The following LIN52 variants were observed in gnomAD, a reference collection of about 807,000 sequenced individuals.
LIN52 encodes the protein protein lin-52 homolog.
Under a neutral mutation model 18.5 loss-of-function variants are expected in LIN52, and 4 were observed. That is an observed-to-expected ratio of 0.22 (90% CI 0.11 to 0.49). The LOEUF is 0.49. Among genes scored for constraint, LIN52 ranks in the 20% least tolerant of loss-of-function variants. The pLI is 0.97. For synonymous variants in LIN52, 34 were observed against 45.5 expected, an observed-to-expected ratio of 0.75 and a Z score of 1.02; for missense variants, 102 against 139.5, an observed-to-expected ratio of 0.73 and a Z score of 1.35.
intron 5 of LIN52, among the ~76,000 whole-genome samples, chr14:74,169,748 A>G (rs1389252336): frequency 6.6e-6 from 1 of 152,204 alleles, no homozygotes; most frequent in Admixed American, 6.5e-5. Flanking sequence ...TGTTTTTTCA[A>G]AATTAGAGCT....
At chr14:74,133,307 T>C (rs965850436) in intron 5 of LIN52, among the ~76,000 whole-genome samples, 2 of 152,238 alleles carry the variant, frequency 1.3e-5, no homozygotes, top group African/African-American at 4.8e-5. Context: ...AAAATGTTCC[T>C]TTTTTCCCTT....
intron 5 of LIN52, among the ~76,000 whole-genome samples, chr14:74,152,296 G>C (rs2061179965): frequency 6.6e-6 from 1 of 151,232 alleles, no homozygotes; most frequent in African/African-American, 2.4e-5. Context: ...TGTTAATGGT[G>C]ATGGACTCTA....
In LIN52 at chr14:74,130,278, G is replaced by GTTTTTTTTTTTTTTTTTTTTTTTTTTTT. The variant is rs71460958; in HGVS notation, c.283+29058_283+29059insTTTTTTTTTTTTTTTTTTTTTTTTTTTT. On this transcript the variant is annotated intron_variant, in intron 5 of 5. Transcript: ENST00000555028. Reference sequence around the variant, plus strand: ...GAATTTATTAGATAGGCATTTTTTGGTTTTTTTTTTTTTTTTTTGAGACAG... The same window carrying GTTTTTTTTTTTTTTTTTTTTTTTTTTTT: ...GAATTTATTAGATAGGCATTTTTTGGTTTTTTTTTTTTTTTTTTTTTTTTTTTTTTTTTTTTTTTTTTTTTTGAGACAG... Among the ~76,000 whole-genome samples, 83 of 64,820 alleles carry GTTTTTTTTTTTTTTTTTTTTTTTTTTTT rather than the reference G, an allele frequency of 1.3e-3. 10 individuals are homozygous for GTTTTTTTTTTTTTTTTTTTTTTTTTTTT. The highest frequency in any genetic ancestry group is 2.5e-3 in the African/African-American group (39 of 15,880). 42.5% of individuals were successfully genotyped at this position (64,820 alleles called of 152,430 possible).
chr14:74,169,102 A>G (rs1006812246), intron 5 of LIN52, among the ~76,000 whole-genome samples: 2 of 151,636 alleles, frequency 1.3e-5, no homozygotes, highest in Non-Finnish European at 2.9e-5. Context: ...AAATTTGGAA[A>G]CTCTTTTTTG....
chr14:74,098,016 C>G (rs1481977438), intron 4 of LIN52, among the ~76,000 whole-genome samples, 156 bp downstream of exon 4: 1 of 152,058 alleles, frequency 6.6e-6, no homozygotes, highest in Non-Finnish European at 1.5e-5. Flanking sequence ...CAATGCCCTT[C>G]TCTACCTTTT....
intron 5 of LIN52, among the ~76,000 whole-genome samples, chr14:74,153,864 C>T (rs572455561): frequency 9.2e-4 from 140 of 152,258 alleles, no homozygotes; most frequent in Admixed American, 1.6e-3. Flanking sequence ...TTTTTAAACT[C>T]TATCTTCTAT....
intron 2 of LIN52, among the ~76,000 whole-genome samples, chr14:74,095,158 T>TTTTTG (rs2060801151): frequency 6.7e-6 from 1 of 148,886 alleles, no homozygotes; most frequent in South Asian, 2.2e-4. Flanking sequence ...TGTTTTTTTT[T>TTTTTG]TTTTTTTTTT....
chr14:74,114,766 T>G (rs2139910755), intron 5 of LIN52, among the ~76,000 whole-genome samples: 1 of 152,300 alleles, frequency 6.6e-6, no homozygotes, highest in Non-Finnish European at 1.5e-5. Flanking sequence ...ATGTTTTAGA[T>G]AGTGAATGGT....
intron 5 of LIN52, among the ~76,000 whole-genome samples, chr14:74,110,543 G>A (rs1337311309): frequency 1.3e-5 from 2 of 152,096 alleles, no homozygotes; most frequent in African/African-American, 2.4e-5. Context: ...GGTGGCGCAC[G>A]CCCATAGTCC....
At chr14:74,120,794 C>T (rs976768666) in intron 5 of LIN52, among the ~76,000 whole-genome samples, 50 of 150,470 alleles carry the variant, frequency 3.3e-4, no homozygotes, top group African/African-American at 6.6e-4. Flanking sequence ...TGGTGGCGTG[C>T]GCCTGTAGTC....
intron 5 of LIN52, among the ~76,000 whole-genome samples, chr14:74,113,271 A>G (rs2060941288): frequency 6.6e-6 from 1 of 152,114 alleles, no homozygotes; most frequent in Non-Finnish European, 1.5e-5. Context: ...GGGCGCCTGT[A>G]ATCTCAGCTA....
intron 4 of LIN52, among the ~76,000 whole-genome samples, chr14:74,099,750 C>T (rs1595150031): frequency 6.6e-6 from 1 of 152,072 alleles, no homozygotes; most frequent in East Asian, 1.9e-4. Context: ...GATGAAATCA[C>T]AGGGAGTCAA....
intron 4 of LIN52, 25 bp downstream of exon 4, chr14:74,097,885 T>A: frequency 6.5e-7 from 1 of 1,546,896 alleles, no homozygotes; most frequent in Non-Finnish European, 8.9e-7. Context: ...TTACCACTTT[T>A]AACTGGATAT....
intron 5 of LIN52, among the ~76,000 whole-genome samples, chr14:74,133,238 T>A (rs2061078965): frequency 6.6e-6 from 1 of 152,242 alleles, no homozygotes; most frequent in Non-Finnish European, 1.5e-5. Context: ...TTGGTGTTTT[T>A]AAAACCTGCT....
chr14:74,175,299 G>A (rs2061288046), intron 5 of LIN52, among the ~76,000 whole-genome samples: 1 of 150,904 alleles, frequency 6.6e-6, no homozygotes, highest in African/African-American at 2.4e-5. Context: ...TAACTCTTTT[G>A]TAATAGCACT....
chr14:74,195,577 C>G (rs201660077), intron 5 of LIN52, among the ~76,000 whole-genome samples: 2 of 104,288 alleles, frequency 1.9e-5, no homozygotes, highest in Non-Finnish European at 4.3e-5. Context: ...TGTGTGTGTG[C>G]GCGTGTAGAC....
At chr14:74,194,364 A>C (rs148921875) in intron 5 of LIN52, among the ~76,000 whole-genome samples, 211 of 152,338 alleles carry the variant, frequency 1.4e-3, no homozygotes, top group African/African-American at 4.6e-3. Context: ...GGAATTGGAG[A>C]GTCTAAAGAA....
intron 5 of LIN52, among the ~76,000 whole-genome samples, chr14:74,148,079 C>A (rs950207761): frequency 2.0e-5 from 3 of 151,788 alleles, no homozygotes; most frequent in Admixed American, 6.6e-5. Context: ...ATCTAGGAAG[C>A]CCAGAAGATT....
chr14:74,176,649 C>G (rs555713113), intron 5 of LIN52, among the ~76,000 whole-genome samples: 1 of 152,166 alleles, frequency 6.6e-6, no homozygotes, highest in Non-Finnish European at 1.5e-5. Flanking sequence ...TACAACATCC[C>G]TAGGAGATAG....
Sources: gnomAD v4.1 joint callset for allele counts (sites outside exome capture counted in the v4.1 genomes callset) on GRCh38, gnomAD v4.1.1 for gene constraint, MANE v1.5 for transcripts, NCBI Gene and HGNC (gene_info 2026-07-23, HGNC 2026-07-21) for gene names.